SPAG17: variants seen among roughly 807,000 people sequenced by gnomAD.
SPAG17 encodes sperm-associated antigen 17.
In SPAG17, 169 loss-of-function variants were observed where a neutral mutation model predicts 273.6. The ratio of observed to expected loss-of-function variants is 0.62; its 90% CI spans 0.55 to 0.70. The LOEUF is 0.70. Among genes scored for constraint, SPAG17 ranks in the 30% least tolerant of loss-of-function variants. The pLI, the probability that SPAG17 is intolerant of heterozygous loss-of-function variation, is 0.00. For missense variants in SPAG17, 2,557 were observed against 2,627.8 expected, an observed-to-expected ratio of 0.97 and a Z score of 0.59; for synonymous variants, 825 against 873.2, an observed-to-expected ratio of 0.94 and a Z score of 0.97.
chr1:118,031,044 G>A (rs1648395798), intron 25 of SPAG17, among the ~76,000 whole-genome samples: 1 of 151,980 alleles, frequency 6.6e-6, no homozygotes, highest in South Asian at 2.1e-4. Flanking sequence ...TTGAACTAAT[G>A]TACACTCCCA....
At chr1:118,031,995 T>G in intron 24 of SPAG17, 128 bp from the exon 25 acceptor site, 1 of 710,784 alleles carries the variant, frequency 1.4e-6, no homozygotes, top group Non-Finnish European at 2.3e-6. Flanking sequence ...ATATGATTTA[T>G]CAGTTGGATA....
intron 17 of SPAG17, among the ~76,000 whole-genome samples, chr1:118,067,784 G>A (rs2102067530): frequency 6.6e-6 from 1 of 152,290 alleles, no homozygotes; most frequent in African/African-American, 2.4e-5. Flanking sequence ...TATGGTGCCA[G>A]GGCTCATCCC....
chr1:117,985,092 T>A (rs1656262529), intron 40 of SPAG17, among the ~76,000 whole-genome samples: 1 of 152,224 alleles, frequency 6.6e-6, no homozygotes, highest in Non-Finnish European at 1.5e-5. Context: ...ATGGTTAAAC[T>A]TTTTGAGGTT....
In SPAG17 at chr1:117,987,887, T is replaced by C; in HGVS notation, c.5622-6A>G. On this transcript the variant is annotated splice_polypyrimidine_tract_variant and splice_region_variant and intron_variant, in intron 39 of 48. Coordinates refer to ENST00000336338, the MANE Select transcript of SPAG17 (RefSeq NM_206996.4). ...GTTTTGAGGATGCTGTGTGTCTATG[T>C]GAAAGGAAAGGAAAGTATGGTGAAA... The C allele has an allele frequency of 1.2e-6, 2 of 1,613,806 alleles. No individual in the cohort carries two copies. The highest frequency in any genetic ancestry group is 1.7e-6 in the Non-Finnish European group (2 of 1,179,884).
At chr1:117,979,161 G>A (rs113749185) in intron 43 of SPAG17, among the ~76,000 whole-genome samples, 63 of 152,174 alleles carry the variant, frequency 4.1e-4, no homozygotes, top group Middle Eastern at 6.8e-3. Context: ...GAGCCACCGC[G>A]CCTGGCCTAC....
intron 32 of SPAG17, among the ~76,000 whole-genome samples, chr1:117,998,906 T>A (rs1657958173): frequency 6.6e-6 from 1 of 152,146 alleles, no homozygotes; most frequent in Non-Finnish European, 1.5e-5. Flanking sequence ...TAGGTATACA[T>A]GTGCCATATT....
chr1:117,994,448 A>AG lies in SPAG17; in HGVS notation c.5135dup (p.Asn1713Ter). The stretch of plus-strand genomic sequence containing the variant: ...TTTCCCATGACCTTGACCGGAGATT[A>AG]GGAGGGACAATTGTATCTTCCTTTT... On this transcript the variant is annotated frameshift_variant, in exon 35 of 49. Transcript: ENST00000336338. LOFTEE classifies it high-confidence loss of function. The AG allele has an allele frequency of 1.9e-6, 3 of 1,612,994 alleles. No individual in the cohort carries two copies. The highest frequency in any genetic ancestry group is 2.5e-6 in the Non-Finnish European group (3 of 1,179,222).
At chr1:117,969,330 C>T (rs1187780383) in intron 46 of SPAG17, among the ~76,000 whole-genome samples, 3 of 152,050 alleles carry the variant, frequency 2.0e-5, no homozygotes, top group Non-Finnish European at 4.4e-5. Flanking sequence ...CATGTAATCC[C>T]AGCACTTTGA....
At chr1:118,150,454 G>A in intron 3 of SPAG17, 89 bp downstream of exon 3, 2 of 655,584 alleles carry the variant, frequency 3.1e-6, no homozygotes, top group Non-Finnish European at 2.5e-6. Context: ...TATTTTCAAA[G>A]AATGAAATTT....
rs763131586 is a variant in SPAG17 at position 118,055,745 on chromosome 1, T to C, written c.2710A>G (p.Lys904Glu). The change falls in exon 19 of 49, where the codon AAA (lysine) becomes GAA (glutamate). Residue 904 changes from lysine to glutamate, a missense_variant. Transcript: ENST00000336338. ...LTSASKIFSI[K>E]ESKSNKGISK... is the part of the protein sequence containing the mutation. The stretch of plus-strand genomic sequence containing the variant: ...ACTGGTTACTTACTTTTAGATTCTT[T>C]AATGGAAAAAATTTTGCTAGCAGAA... The C allele has an allele frequency of 6.2e-7, 1 of 1,611,860 alleles. No homozygotes were observed. Among genetic ancestry groups the C allele is most frequent in the Non-Finnish European group, 8.5e-7 (1 of 1,179,180 alleles).
chr1:117,977,155 CAAA>C (rs5777331), intron 43 of SPAG17, among the ~76,000 whole-genome samples: 6 of 141,292 alleles, frequency 4.2e-5, no homozygotes, highest in Non-Finnish European at 7.6e-5. Context: ...ACTAAAAATA[CAAA>C]AAAAAAAAAA....
At chr1:118,109,796 C>T (rs1366373049) in intron 4 of SPAG17, among the ~76,000 whole-genome samples, 1 of 151,982 alleles carries the variant, frequency 6.6e-6, no homozygotes, top group Non-Finnish European at 1.5e-5. Context: ...AACAAGCTAT[C>T]ATAGGGGACA....
chr1:118,162,191 C>T (rs942206009), intron 1 of SPAG17, among the ~76,000 whole-genome samples: 2 of 152,152 alleles, frequency 1.3e-5, no homozygotes, highest in Admixed American at 6.5e-5. Context: ...TTATTGGATA[C>T]GTTAGGGCAG....
chr1:118,042,269 T>A (rs1649862164), intron 20 of SPAG17, among the ~76,000 whole-genome samples: 1 of 152,182 alleles, frequency 6.6e-6, no homozygotes, highest in African/African-American at 2.4e-5. Context: ...CACTTCAGCT[T>A]CTTCTCTCAG....
chr1:118,085,993 G>A lies in SPAG17; in HGVS notation c.1691C>T (p.Pro564Leu). The A allele has an allele frequency of 6.2e-7, 1 of 1,613,750 alleles. No homozygotes were observed. Among genetic ancestry groups the A allele is most frequent in the Non-Finnish European group, 8.5e-7 (1 of 1,179,862 alleles). The change falls in exon 13 of 49, where the codon CCT becomes CTT. Residue 564 changes from proline (P) to leucine (L), a missense_variant. Coordinates refer to ENST00000336338, the MANE Select transcript of SPAG17 (RefSeq NM_206996.4). ...AGTGTTGTTCCATGGTGGGGGTAGA[G>A]GGAATTGAAGAAATTCCCACAGTGG... ...KLPLWEFLQF[P>L]LPPPWNNTKR...
Position 118,005,545 on chromosome 1 carries a change from A to G in SPAG17, c.4645T>C (p.Cys1549Arg). Reference protein sequence around the residue: ...YIDKDCSAVYCHESSSNIYYP... With the variant: ...YIDKDCSAVYRHESSSNIYYP... ...TATATATTACTGCTTGACTCATGGCAGTACACAGCTGAACAATCCTTGTCA... is the reference window on the plus strand; with the variant it reads ...TATATATTACTGCTTGACTCATGGCGGTACACAGCTGAACAATCCTTGTCA... The change falls in exon 32 of 49, where the codon TGC (cysteine) becomes CGC (arginine). Residue 1549 changes from cysteine (C) to arginine (R), a missense_variant. Physicochemically the swap from Cys to Arg is radical, Grantham distance 180. Coordinates refer to ENST00000336338, the MANE Select transcript of SPAG17 (RefSeq NM_206996.4). 6.2e-7 allele frequency: 1 copy of G among 1,604,934 alleles called. No individual in the cohort carries two copies. Among genetic ancestry groups the G allele is most frequent in the Non-Finnish European group, 8.5e-7 (1 of 1,175,794 alleles).
At chr1:118,075,471 A>G (rs1184206101) in intron 15 of SPAG17, among the ~76,000 whole-genome samples, 1 of 152,256 alleles carries the variant, frequency 6.6e-6, no homozygotes, top group African/African-American at 2.4e-5. Flanking sequence ...CGAACATCTC[A>G]CTATGAATGT....
rs113573561 is a variant in SPAG17, at chr1:118,031,851, A to G, written c.3450T>C (p.Asp1150=). 7.0e-4 allele frequency: 1,115 copies of G among 1,601,414 alleles called. 5 individuals are homozygous for G. The African/African-American group carries it at 0.013, about 19-fold the overall frequency. ...AAGGGATATTCAATATTGTTTCTAA[A>G]TCAGGATCCTTATCTTCTATAAGCA... ...NGMAPEDKDP[D]LETILNIPSA... is the part of the protein sequence containing the mutation. Residue 1150 remains aspartate (D), a synonymous_variant, in exon 25 of 49, where the codon GAT becomes GAC. Coordinates refer to ENST00000336338, the MANE Select transcript of SPAG17 (RefSeq NM_206996.4).
At chr1:118,139,632 TAAAA>T (rs990588524) in intron 3 of SPAG17, among the ~76,000 whole-genome samples, 7 of 152,252 alleles carry the variant, frequency 4.6e-5, no homozygotes, top group Non-Finnish European at 8.8e-5. Flanking sequence ...TATTCAGCCT[TAAAA>T]AAGAAGGAAA....
Sources: gnomAD v4.1 joint callset for allele counts (sites outside exome capture counted in the v4.1 genomes callset) on GRCh38, gnomAD v4.1.1 for gene constraint, MANE v1.5 for transcripts, NCBI Gene and HGNC (gene_info 2026-07-23, HGNC 2026-07-21) for gene names.